The following MED27 variants were observed in gnomAD, a reference collection of about 807,000 sequenced individuals.
MED27 encodes mediator of RNA polymerase II transcription subunit 27.
In MED27, 30 loss-of-function variants were observed where a neutral mutation model predicts 38.2. The ratio of observed to expected loss-of-function variants is 0.79; its 90% CI spans 0.59 to 1.07. The LOEUF (loss-of-function observed/expected upper bound fraction) is 1.07. MED27 is among the 50% of genes least tolerant of loss of function. MED27 has a pLI of 0.00. For synonymous variants in MED27, 122 were observed against 153.5 expected, an observed-to-expected ratio of 0.79 and a Z score of 1.52; for missense variants, 289 against 397.5, an observed-to-expected ratio of 0.73 and a Z score of 2.32.
chr9:132,068,411 G>A (rs10114074), intron 2 of MED27, among the ~76,000 whole-genome samples: 4,762 of 152,190 alleles, frequency 0.031, 248 homozygotes, highest in African/African-American at 0.11. Flanking sequence ...GACAAAATCA[G>A]ATCTCTACAT....
At position 131,997,016 on chromosome 9, in the gene MED27, A is replaced by C. The variant is rs10115116; in HGVS notation, c.479+17321T>G. ...GAGTCAAAAGTCACGCACATTTTTG[A>C]CTATGGTGGGGGATGGGTACCCCTA... On this transcript the variant is annotated intron_variant, in intron 3 of 7. Coordinates refer to ENST00000292035, the MANE Select transcript of MED27 (RefSeq NM_004269.4). This position sits in a 1 kb window ranked among gnomAD's most constrained non-coding sequence, Gnocchi z 4.0. 0.019 allele frequency among the ~76,000 whole-genome samples: 2,938 copies of C among 152,220 alleles called. 91 individuals carry two copies. The highest frequency in any genetic ancestry group is 0.067 in the African/African-American group (2,782 of 41,540).
At chr9:132,029,285 A>T (rs562306619) in intron 2 of MED27, among the ~76,000 whole-genome samples, 166 of 152,260 alleles carry the variant, frequency 1.1e-3, no homozygotes, top group Non-Finnish European at 2.0e-3. Context: ...ACAAGTCTTC[A>T]AATAGTTAAA....
At position 132,026,239 on chromosome 9, in the gene MED27, T is replaced by C. The variant is rs533275131; in HGVS notation, c.349-11772A>G. 4.6e-5 allele frequency among the ~76,000 whole-genome samples: 7 copies of C among 152,296 alleles called. No individual in the cohort carries two copies. The East Asian group carries it at 9.6e-4, about 21-fold the overall frequency. ...TCCATCCAGAGGAAGAGCCCAGATA[T>C]GGAAAGTAGCCTGCTTTGGGACCAG... On this transcript the variant is annotated intron_variant, in intron 2 of 7. Transcript: ENST00000292035.
chr9:132,017,919 G>A (rs1005605223), intron 2 of MED27, among the ~76,000 whole-genome samples: 9 of 152,180 alleles, frequency 5.9e-5, no homozygotes, highest in Admixed American at 3.3e-4. Flanking sequence ...CTACTGAATC[G>A]TTTTTAAAAT....
At chr9:132,014,548 T>C in intron 2 of MED27, 81 bp from the exon 3 acceptor site, 1 of 1,392,722 alleles carries the variant, frequency 7.2e-7, no homozygotes, top group Non-Finnish European at 9.8e-7. Context: ...CTAGCAATGC[T>C]TGATAATCTT....
At chr9:132,011,549 C>T (rs542952201) in intron 3 of MED27, among the ~76,000 whole-genome samples, 1 of 152,270 alleles carries the variant, frequency 6.6e-6, no homozygotes, top group East Asian at 1.9e-4. Context: ...CATCTATAAT[C>T]CCAGCACTTT....
chr9:131,968,579 G>T (rs540474944), intron 3 of MED27, among the ~76,000 whole-genome samples: 66 of 152,136 alleles, frequency 4.3e-4, no homozygotes, highest in African/African-American at 1.5e-3. Context: ...TAGGCCCAAG[G>T]TTGCATCATT....
At chr9:131,908,431 G>C (rs922872520) in intron 4 of MED27, among the ~76,000 whole-genome samples, 1 of 152,268 alleles carries the variant, frequency 6.6e-6, no homozygotes, top group Non-Finnish European at 1.5e-5. Context: ...TTGTGGAATA[G>C]AAAGCGGGGA....
chr9:131,911,773 C>T (rs1256758896), intron 4 of MED27, among the ~76,000 whole-genome samples: 2 of 152,200 alleles, frequency 1.3e-5, no homozygotes, highest in African/African-American at 2.4e-5. Flanking sequence ...GCTGACTGAG[C>T]CCTGCCTAGC....
intron 4 of MED27, among the ~76,000 whole-genome samples, chr9:131,899,479 C>T (rs1248343237): frequency 1.3e-5 from 2 of 152,174 alleles, no homozygotes; most frequent in East Asian, 1.9e-4. Flanking sequence ...CCTCATTCTC[C>T]ACTTGCAGGC....
chr9:131,956,203 T>C (rs1182421379), intron 3 of MED27, among the ~76,000 whole-genome samples: 1 of 152,150 alleles, frequency 6.6e-6, no homozygotes, highest in Non-Finnish European at 1.5e-5. Flanking sequence ...ACTTTTAGGA[T>C]ATACTTACAG....
chr9:132,042,473 C>T (rs1448974263), intron 2 of MED27, among the ~76,000 whole-genome samples: 1 of 152,182 alleles, frequency 6.6e-6, no homozygotes, highest in Admixed American at 6.5e-5. Context: ...AACGTCTGCA[C>T]TCATAACCAC....
intron 3 of MED27, among the ~76,000 whole-genome samples, chr9:131,986,810 T>A (rs1032742341): frequency 1.3e-5 from 2 of 152,146 alleles, no homozygotes; most frequent in African/African-American, 4.8e-5. Context: ...ACTTCACCAT[T>A]TCTCATCAGA....
chr9:131,909,744 A>G (rs1830154313), intron 4 of MED27, among the ~76,000 whole-genome samples: 1 of 152,238 alleles, frequency 6.6e-6, no homozygotes, highest in African/African-American at 2.4e-5. Context: ...GCAAGTTAGC[A>G]ACAACGAGAG....
At chr9:131,970,042 T>G (rs1831441496) in intron 3 of MED27, among the ~76,000 whole-genome samples, 1 of 151,996 alleles carries the variant, frequency 6.6e-6, no homozygotes, top group African/African-American at 2.4e-5. Flanking sequence ...TCCCAAGATC[T>G]CCAGGAGATA....
intron 6 of MED27, among the ~76,000 whole-genome samples, chr9:131,876,511 T>G (rs1264378882): frequency 6.6e-6 from 1 of 152,184 alleles, no homozygotes; most frequent in Non-Finnish European, 1.5e-5. Flanking sequence ...GTCCTGAGTT[T>G]AGTTTAGATG....
At chr9:131,905,570 T>C (rs1358020730) in intron 4 of MED27, among the ~76,000 whole-genome samples, 1 of 151,914 alleles carries the variant, frequency 6.6e-6, no homozygotes, top group Non-Finnish European at 1.5e-5. Flanking sequence ...CGGTGGCTCA[T>C]GCCTGTAATC....
At chr9:131,992,709 A>G (rs1227751609) in intron 3 of MED27, among the ~76,000 whole-genome samples, 1 of 152,144 alleles carries the variant, frequency 6.6e-6, no homozygotes, top group East Asian at 1.9e-4. Context: ...CCCAGTACCT[A>G]CTTTTAAAGA....
chr9:131,989,116 C>A lies in MED27; in HGVS notation c.479+25221G>T, dbSNP rs529353817. 2.6e-5 allele frequency among the ~76,000 whole-genome samples: 4 copies of A among 152,132 alleles called. No individual in the cohort carries two copies. The South Asian group carries it at 8.3e-4, about 32-fold the overall frequency. ...AAATGGTGCTAGATTTTAAAATATT[C>A]ATTATCTCACTTAAACTCTGTAACT... On this transcript the variant is annotated intron_variant, in intron 3 of 7. Transcript: ENST00000292035.
Sources: allele counts gnomAD v4.1 joint callset (sites outside exome capture counted in the v4.1 genomes callset), GRCh38; gene constraint gnomAD v4.1.1; non-coding constraint Gnocchi (gnomAD v3.1); transcripts MANE v1.5; gene names NCBI Gene and HGNC (gene_info 2026-07-23, HGNC 2026-07-21).